Variants in DOCK10 observed in about 807,000 individuals in gnomAD.
DOCK10 encodes dedicator of cytokinesis protein 10.
Under a neutral mutation model 280.1 loss-of-function variants are expected in DOCK10, and 145 were observed. The ratio of observed to expected loss-of-function variants is 0.52; its 90% CI spans 0.45 to 0.59. DOCK10 has a LOEUF of 0.59. Ranked by LOEUF, DOCK10 falls within the 20% of genes least tolerant of loss-of-function variation. DOCK10 has a pLI of 0.00. For synonymous variants in DOCK10, 915 were observed against 942.2 expected (o/e 0.97, Z 0.53); for missense variants, 2,368 against 2,651.7 (o/e 0.89, Z 2.35).
At chr2:225,040,332 T>C (rs1265300375) in intron 1 of DOCK10, among the ~76,000 whole-genome samples, 1 of 152,174 alleles carries the variant, frequency 6.6e-6, no homozygotes, top group Non-Finnish European at 1.5e-5. Flanking sequence ...TCCCATGAAA[T>C]GTCTTGGCAA....
At chr2:224,876,272 T>C in intron 7 of DOCK10, 51 bp from the exon 8 acceptor site, 1 of 1,448,488 alleles carries the variant, frequency 6.9e-7, no homozygotes, top group Non-Finnish European at 9.3e-7. Context: ...AAATAAGCCT[T>C]CGAGAGAGAG....
intron 1 of DOCK10, among the ~76,000 whole-genome samples, chr2:224,944,939 G>A (rs966537886): frequency 4.6e-5 from 7 of 151,924 alleles, no homozygotes; most frequent in South Asian, 2.1e-4. Context: ...AAAATACCGC[G>A]TCCTTACTGG....
intron 1 of DOCK10, among the ~76,000 whole-genome samples, chr2:224,975,819 T>C (rs1705402986): frequency 6.6e-6 from 1 of 152,222 alleles, no homozygotes; most frequent in Admixed American, 6.5e-5. Context: ...GAAGAATTAT[T>C]GTCTTCTACA....
chr2:224,933,558 T>G (rs1459574622), intron 1 of DOCK10, among the ~76,000 whole-genome samples: 3 of 152,122 alleles, frequency 2.0e-5, no homozygotes, highest in Admixed American at 2.0e-4. Flanking sequence ...CCCTATTGAG[T>G]GTGTAGGTAT....
chr2:224,815,907 A>C (rs1443190285), intron 30 of DOCK10, among the ~76,000 whole-genome samples: 1 of 144,110 alleles, frequency 6.9e-6, no homozygotes, highest in Non-Finnish European at 1.5e-5. Flanking sequence ...GTGGTGGCAC[A>C]CACCTGTAGT....
intron 28 of DOCK10, among the ~76,000 whole-genome samples, chr2:224,822,438 G>A (rs759383526): frequency 1.3e-5 from 2 of 152,084 alleles, no homozygotes; most frequent in Non-Finnish European, 2.9e-5. Context: ...TTTCCATAAT[G>A]TAAAAAACAG....
At chr2:224,854,419 A>T (rs1352207897) in intron 16 of DOCK10, among the ~76,000 whole-genome samples, 1 of 152,216 alleles carries the variant, frequency 6.6e-6, no homozygotes, top group African/African-American at 2.4e-5. Flanking sequence ...TCTGTATAAT[A>T]ACAGAGTCTG....
intron 3 of DOCK10, among the ~76,000 whole-genome samples, chr2:224,907,561 C>G (rs1700725419): frequency 6.6e-6 from 1 of 151,810 alleles, no homozygotes; most frequent in African/African-American, 2.4e-5. Context: ...GGTGGCGGGC[C>G]CCTGTAGTCC....
intron 1 of DOCK10, among the ~76,000 whole-genome samples, chr2:224,975,532 A>G (rs1488135102): frequency 2.0e-5 from 3 of 152,228 alleles, no homozygotes; most frequent in Non-Finnish European, 4.4e-5. Flanking sequence ...ACTGAAAAAG[A>G]TGAAACTGGG....
rs1373833693 is a variant in DOCK10 at position 224,840,070 on chromosome 2, G to A, written c.2664C>T (p.Asn888=). ...CATGAATCTTTTCCACATTCAATAA[G>A]TTCTGTAGTAAATTGGCAGAAAAAA... The part of the protein sequence containing the change: ...PTSNFIRSCK[N]LLNVEKIHAI... Residue 888 remains asparagine, a splice_region_variant and synonymous_variant, in exon 24 of 56, where the codon AAC becomes AAT. Transcript: ENST00000258390. The A allele has an allele frequency of 2.0e-6, 3 of 1,479,934 alleles. No individual in the cohort carries two copies. Among genetic ancestry groups the A allele is most frequent in the South Asian group, 2.5e-5 (2 of 79,874 alleles). 91.7% of individuals were successfully genotyped at this position (1,479,934 alleles called of 1,614,324 possible).
At chr2:224,916,528 G>T (rs1383239889) in intron 3 of DOCK10, among the ~76,000 whole-genome samples, 167 bp downstream of exon 3, 1 of 123,702 alleles carries the variant, frequency 8.1e-6, no homozygotes, top group African/African-American at 3.1e-5. Context: ...GTGACAGAGT[G>T]ACACCCTCCC....
At chr2:225,036,045 C>G (rs1422525666) in intron 1 of DOCK10, among the ~76,000 whole-genome samples, 1 of 152,130 alleles carries the variant, frequency 6.6e-6, no homozygotes, top group East Asian at 1.9e-4. Context: ...TAGTTCATAA[C>G]ACATCTTTCA....
intron 2 of DOCK10, among the ~76,000 whole-genome samples, chr2:224,916,986 T>G (rs1701365818): frequency 6.6e-6 from 1 of 152,306 alleles, no homozygotes; most frequent in Admixed American, 6.5e-5. Flanking sequence ...ACTAGTATTT[T>G]TACAACAGTT....
intron 41 of DOCK10, among the ~76,000 whole-genome samples, chr2:224,798,482 T>G (rs1692744866): frequency 6.6e-6 from 1 of 152,134 alleles, no homozygotes; most frequent in South Asian, 2.1e-4. Context: ...TTGTGAGATT[T>G]GAGTGACATT....
Position 224,775,093 on chromosome 2 carries a change from G to A in DOCK10, c.5825C>T (p.Pro1942Leu), listed in dbSNP as rs768903758. The stretch of plus-strand genomic sequence containing the variant: ...GGTCACCTGGATGTAGGCATATTTG[G>A]GGTCCAAATCCTTGGGGTTTACCTG... ...SNKVNPKDLDPKYAYIQVTYV... is the reference protein window; with the variant it reads ...SNKVNPKDLDLKYAYIQVTYV... The change falls in exon 52 of 56, where the codon CCC (proline) becomes CTC (leucine). Residue 1942 changes from proline to leucine, a missense_variant. Pro to Leu is a moderately conservative substitution (Grantham distance 98). Around this residue, in one of 2 missense-constraint regions of DOCK10, gnomAD observed 1,159 missense variants for 1,400.8 expected, o/e 0.83. Transcript: ENST00000258390. The A allele has an allele frequency of 1.9e-6, 3 of 1,613,994 alleles. No homozygotes were observed. Among genetic ancestry groups the A allele is most frequent in the Admixed American group, 3.3e-5 (2 of 60,024 alleles).
chr2:224,887,953 A>G (rs1183025973), intron 4 of DOCK10, among the ~76,000 whole-genome samples: 1 of 152,150 alleles, frequency 6.6e-6, no homozygotes, highest in Non-Finnish European at 1.5e-5. Context: ...CACCCCTGGT[A>G]ACTGTTGGTG....
At chr2:224,782,836 A>C (rs572213839) in intron 50 of DOCK10, among the ~76,000 whole-genome samples, 1 of 152,224 alleles carries the variant, frequency 6.6e-6, no homozygotes, top group South Asian at 2.1e-4. Flanking sequence ...AAGACACGTC[A>C]ACTTGGATAT....
chr2:224,771,133 G>C (rs1004748217), intron 53 of DOCK10, among the ~76,000 whole-genome samples: 1 of 151,650 alleles, frequency 6.6e-6, no homozygotes, highest in African/African-American at 2.4e-5. Context: ...ACGGGGGAAG[G>C]GGGGCGGTCT....
chr2:224,938,871 G>A (rs1477901784), intron 1 of DOCK10, among the ~76,000 whole-genome samples: 1 of 152,178 alleles, frequency 6.6e-6, no homozygotes, highest in Non-Finnish European at 1.5e-5. Flanking sequence ...AAATGTTTGA[G>A]CTTCTGAAAA....
Sources: gnomAD v4.1 joint callset for allele counts (sites outside exome capture counted in the v4.1 genomes callset) on GRCh38, gnomAD v4.1.1 for gene constraint, gnomAD v4.1.1 regional missense constraint, MANE v1.5 for transcripts, NCBI Gene and HGNC (gene_info 2026-07-23, HGNC 2026-07-21) for gene names.